IL1RAPL2: variants seen among roughly 807,000 people sequenced by gnomAD.
IL1RAPL2 encodes the protein interleukin 1 receptor accessory protein like 2.
In IL1RAPL2, 3 loss-of-function variants were observed where a neutral mutation model predicts 44.1. That is an observed-to-expected ratio of 0.07 (90% CI 0.03 to 0.18). The LOEUF (loss-of-function observed/expected upper bound fraction) is 0.18. Ranked by LOEUF, IL1RAPL2 falls within the 10% of genes least tolerant of loss-of-function variation. IL1RAPL2 has a pLI of 1.00. For missense variants in IL1RAPL2, 391 were observed against 496.4 expected (o/e 0.79, Z 2.02); for synonymous variants, 181 against 178.8 (o/e 1.01, Z -0.10).
intron 2 of IL1RAPL2, among the ~76,000 whole-genome samples, chrX:104,683,644 A>G (rs1331888222): frequency 1.8e-5 from 2 of 112,956 alleles, no homozygotes; most frequent in Non-Finnish European, 3.7e-5. Context: ...CGACTGTTTC[A>G]TGATCCAATA....
intron 2 of IL1RAPL2, among the ~76,000 whole-genome samples, chrX:104,980,894 G>T (rs1243251448): frequency 9.0e-6 from 1 of 110,959 alleles, no homozygotes; most frequent in Non-Finnish European, 1.9e-5. Flanking sequence ...TCTATAAATT[G>T]CTTTGGGCAA....
At chrX:105,093,350 G>A (rs1021979433) in intron 2 of IL1RAPL2, among the ~76,000 whole-genome samples, 2 of 111,799 alleles carry the variant, frequency 1.8e-5, no homozygotes, top group Non-Finnish European at 3.8e-5. Context: ...TAACTATGAT[G>A]ACAAAGAAAT....
At chrX:105,305,474 A>G (rs1350044321) in intron 5 of IL1RAPL2, among the ~76,000 whole-genome samples, 4 of 109,702 alleles carry the variant, frequency 3.6e-5, no homozygotes, top group Non-Finnish European at 5.7e-5. Flanking sequence ...ATGTCCCTTC[A>G]TTCCTCTTCC....
intron 2 of IL1RAPL2, among the ~76,000 whole-genome samples, chrX:105,167,872 G>A (rs2033384991): frequency 9.0e-6 from 1 of 110,727 alleles, no homozygotes; most frequent in South Asian, 3.9e-4. Flanking sequence ...TATATAATTT[G>A]CATTTCATTC....
chrX:104,722,875 T>C (rs1931710626), intron 2 of IL1RAPL2, among the ~76,000 whole-genome samples: 1 of 111,721 alleles, frequency 9.0e-6, no homozygotes, highest in Admixed American at 9.5e-5. Context: ...GATAATATAA[T>C]GCAGAGCATG....
At chrX:105,168,332 C>G (rs2033389036) in intron 2 of IL1RAPL2, among the ~76,000 whole-genome samples, 1 of 110,142 alleles carries the variant, frequency 9.1e-6, no homozygotes, top group Non-Finnish European at 1.9e-5. Flanking sequence ...CGGGGCTATT[C>G]ATATGTTTTG....
chrX:104,686,924 A>G (rs1452644852), intron 2 of IL1RAPL2, among the ~76,000 whole-genome samples: 2 of 112,192 alleles, frequency 1.8e-5, no homozygotes, highest in Non-Finnish European at 3.8e-5. Flanking sequence ...ACTAATACTC[A>G]ATGTTTACTC....
At chrX:104,733,967 A>G (rs1931969432) in intron 2 of IL1RAPL2, among the ~76,000 whole-genome samples, 1 of 111,350 alleles carries the variant, frequency 9.0e-6, no homozygotes, top group African/African-American at 3.3e-5. Context: ...CTAATTTAAA[A>G]ATGGGTAAAA....
chrX:105,085,996 G>A (rs1385265076), intron 2 of IL1RAPL2, among the ~76,000 whole-genome samples: 2 of 111,420 alleles, frequency 1.8e-5, no homozygotes, highest in Non-Finnish European at 3.8e-5. Context: ...CCGAGGAGAA[G>A]GAGGAAGAGG....
intron 6 of IL1RAPL2, among the ~76,000 whole-genome samples, chrX:105,665,311 G>A (rs1239648357): frequency 9.3e-6 from 1 of 107,930 alleles, no homozygotes; most frequent in East Asian, 2.9e-4. Flanking sequence ...TTACATAAAA[G>A]GAAATTTTAT....
At chrX:105,309,954 A>C (rs2147680597) in intron 5 of IL1RAPL2, among the ~76,000 whole-genome samples, 1 of 111,281 alleles carries the variant, frequency 9.0e-6, no homozygotes. Flanking sequence ...GTTTTCTGCT[A>C]GTATCTTTAA....
chrX:104,889,790 CA>C (rs1923365980), intron 2 of IL1RAPL2, among the ~76,000 whole-genome samples: 1 of 94,683 alleles, frequency 1.1e-5, no homozygotes, highest in African/African-American at 3.5e-5. Context: ...CTTTATTTTA[CA>C]ATCCCAAATA....
At chrX:105,293,268 G>A (rs2034629026) in intron 5 of IL1RAPL2, among the ~76,000 whole-genome samples, 1 of 111,822 alleles carries the variant, frequency 8.9e-6, no homozygotes, top group Non-Finnish European at 1.9e-5. Context: ...CATAGGCAGT[G>A]TTCGTGCAAC....
chrX:105,680,391 C>T (rs1031928763), intron 6 of IL1RAPL2, among the ~76,000 whole-genome samples: 5 of 112,153 alleles, frequency 4.5e-5, no homozygotes, highest in Non-Finnish European at 9.4e-5. Flanking sequence ...GTCTGAGAAC[C>T]CTGGAAGCCA....
intron 8 of IL1RAPL2, among the ~76,000 whole-genome samples, chrX:105,746,252 A>G (rs1426222578): frequency 1.8e-5 from 2 of 112,328 alleles, no homozygotes; most frequent in Non-Finnish European, 3.8e-5. Context: ...AAAGAGCTAC[A>G]CATGTACTTT....
intron 2 of IL1RAPL2, among the ~76,000 whole-genome samples, chrX:104,686,719 T>C (rs1451033022): frequency 2.7e-5 from 3 of 112,203 alleles, no homozygotes; most frequent in Non-Finnish European, 5.6e-5. Context: ...TAAAGCCCTG[T>C]TGGTGAACAT....
chrX:104,881,882 T>C (rs1174250659), intron 2 of IL1RAPL2, among the ~76,000 whole-genome samples: 2 of 111,736 alleles, frequency 1.8e-5, no homozygotes, highest in Non-Finnish European at 3.8e-5. Context: ...TTTCCCTAAG[T>C]CTTCTGTTAA....
At chrX:105,244,760 A>G (rs1341533291) in intron 4 of IL1RAPL2, among the ~76,000 whole-genome samples, 2 of 112,077 alleles carry the variant, frequency 1.8e-5, no homozygotes, top group Non-Finnish European at 3.8e-5. Flanking sequence ...AATTTAAAAT[A>G]CTTTAATTGA....
At chrX:105,665,747 T>TGTTG (rs1460299468) in intron 6 of IL1RAPL2, among the ~76,000 whole-genome samples, 5 of 98,219 alleles carry the variant, frequency 5.1e-5, no homozygotes, top group Non-Finnish European at 1.0e-4. Context: ...TTTTTGTTTT[T>TGTTG]TTTTTTTTGT....
Sources: gnomAD v4.1 joint callset for allele counts (sites outside exome capture counted in the v4.1 genomes callset) on GRCh38, gnomAD v4.1.1 for gene constraint, MANE v1.5 for transcripts, NCBI Gene and HGNC (gene_info 2026-07-23, HGNC 2026-07-21) for gene names.